ARID4A: variants seen among roughly 807,000 people sequenced by gnomAD.
ARID4A encodes the protein AT-rich interactive domain-containing protein 4A.
In ARID4A, 39 loss-of-function variants were observed where a neutral mutation model predicts 148.6. The observed-to-expected ratio is 0.26, with a 90% CI of 0.20 to 0.34. The LOEUF (loss-of-function observed/expected upper bound fraction) is 0.34. ARID4A is among the 10% of genes least tolerant of loss of function. The pLI is 1.00. For missense variants in ARID4A, 1,265 were observed against 1,449.1 expected (o/e 0.87, Z 2.06); for synonymous variants, 475 against 481.2 (o/e 0.99, Z 0.17).
At chr14:58,335,960 A>G (rs1364179988) in intron 11 of ARID4A, among the ~76,000 whole-genome samples, 1 of 151,500 alleles carries the variant, frequency 6.6e-6, no homozygotes, top group African/African-American at 2.4e-5. Context: ...TGTTCTTTCA[A>G]CATCCATGCT....
rs748535462 is a variant in ARID4A, at chr14:58,347,802, T to C, written c.1328T>C (p.Val443Ala). 2 of 1,613,738 alleles carry C rather than the reference T, an allele frequency of 1.2e-6. No individual in the cohort carries two copies. Among genetic ancestry groups the C allele is most frequent in the Admixed American group, 3.3e-5 (2 of 60,002 alleles). ...GATCAAGAAATGCCTTTAACAGAAG[T>C]GAAGAGTGAACCTGAGGAAAATATC... ...KLDQEMPLTE[V>A]KSEPEENIDS... is the part of the protein sequence containing the mutation. Residue 443 changes from valine (V) to alanine (A), a missense_variant, in exon 15 of 24, where the codon GTG (valine) becomes GCG (alanine). Physicochemically the swap from Val to Ala is moderately conservative, Grantham distance 64. This residue lies in a region of ARID4A where 205 missense variants were observed against 196.9 expected (regional missense o/e 1.04). Coordinates refer to ENST00000355431, the MANE Select transcript of ARID4A (RefSeq NM_002892.4).
chr14:58,299,314 G>A (rs1265410255), intron 1 of ARID4A: 1 of 153,702 alleles, frequency 6.5e-6, no homozygotes, highest in African/African-American at 2.4e-5. Context: ...GGTGCAGAGC[G>A]AAGGAAGGAG....
chr14:58,303,645 A>T (rs2031374314), intron 3 of ARID4A: 1 of 432,862 alleles, frequency 2.3e-6, no homozygotes, highest in Non-Finnish European at 5.0e-6. Context: ...GAATCAGTGA[A>T]CTAGAGCAGT....
intron 5 of ARID4A, among the ~76,000 whole-genome samples, chr14:58,317,324 G>GCC (rs2032503218): frequency 7.4e-6 from 1 of 135,726 alleles, no homozygotes; most frequent in Non-Finnish European, 1.5e-5. Context: ...TTGCTCTGTC[G>GCC]TAGAGGCTGG....
At chr14:58,306,568 T>G (rs1267708041) in intron 5 of ARID4A, among the ~76,000 whole-genome samples, 1 of 152,176 alleles carries the variant, frequency 6.6e-6, no homozygotes, top group Non-Finnish European at 1.5e-5. Flanking sequence ...TTTGATACAG[T>G]GTGGGTGCTC....
At chr14:58,340,050 G>C (rs2034036286) in intron 11 of ARID4A, among the ~76,000 whole-genome samples, 1 of 152,138 alleles carries the variant, frequency 6.6e-6, no homozygotes, top group Non-Finnish European at 1.5e-5. Context: ...TGGGGACACA[G>C]AGCCAAACCA....
At chr14:58,327,788 C>T (rs986750592) in intron 8 of ARID4A, among the ~76,000 whole-genome samples, 5 of 152,056 alleles carry the variant, frequency 3.3e-5, no homozygotes, top group African/African-American at 1.2e-4. Context: ...CTTACCATCC[C>T]AACCTTTTGT....
Position 58,361,142 on chromosome 14 carries a change from A to G in ARID4A, c.2080+100A>G, listed in dbSNP as rs558762922. 2.0e-4 allele frequency: 287 copies of G among 1,453,736 alleles called. 1 individual carries two copies. Among genetic ancestry groups the G allele is most frequent in the South Asian group, 3.6e-4 (25 of 68,978 alleles). The allele number at this position is 1,453,736 out of a possible 1,614,324, so 90.1% of individuals were successfully genotyped here. On this transcript the variant is annotated intron_variant, in intron 19 of 23. Transcript: ENST00000355431. ...GGATGGCTGACTTTAAAAAAAATCA[A>G]TAACATAAATAATAAAACTTCCATT...
intron 8 of ARID4A, among the ~76,000 whole-genome samples, chr14:58,325,332 A>G (rs1413561993): frequency 6.6e-6 from 1 of 152,050 alleles, no homozygotes; most frequent in Non-Finnish European, 1.5e-5. Flanking sequence ...CCCAGACTGG[A>G]GTGCAGTGGT....
chr14:58,314,670 TCTC>T (rs1311244320), intron 5 of ARID4A, among the ~76,000 whole-genome samples: 4 of 152,030 alleles, frequency 2.6e-5, no homozygotes, highest in Non-Finnish European at 5.9e-5. Context: ...CTCAAGGGAT[TCTC>T]CTGCCTTGGC....
intron 23 of ARID4A, chr14:58,370,025 T>A (rs191177450): frequency 6.6e-6 from 1 of 152,312 alleles, no homozygotes; most frequent in East Asian, 1.9e-4. Flanking sequence ...TGTGGTAGAG[T>A]GACGTGTCAT....
chr14:58,337,565 A>T (rs1239468937), intron 11 of ARID4A, among the ~76,000 whole-genome samples: 1 of 152,076 alleles, frequency 6.6e-6, no homozygotes, highest in African/African-American at 2.4e-5. Context: ...GGCAGGGGGA[A>T]CTAAGGGATA....
chr14:58,304,976 G>T lies in ARID4A; in HGVS notation c.150G>T (p.Leu50Phe). ...TGAAACAGGATAATACCACACAATT[G>T]GTACAAGATGACCAAGTAAAGGGTC... The part of the protein sequence containing the change: ...VLLKQDNTTQ[L>F]VQDDQVKGPL... The change falls in exon 4 of 24, where the codon TTG (leucine) becomes TTT (phenylalanine). Residue 50 changes from leucine to phenylalanine, a missense_variant. Transcript: ENST00000355431. 2 of 1,606,960 alleles carry T rather than the reference G, an allele frequency of 1.2e-6. No homozygotes were observed. The highest frequency in any genetic ancestry group is 1.7e-6 in the Non-Finnish European group (2 of 1,177,520).
At chr14:58,368,837 G>C (rs1221310572) in intron 23 of ARID4A, among the ~76,000 whole-genome samples, 1 of 152,188 alleles carries the variant, frequency 6.6e-6, no homozygotes, top group African/African-American at 2.4e-5. Context: ...AACAAAGTTT[G>C]TGGTAAGTGC....
intron 3 of ARID4A, among the ~76,000 whole-genome samples, chr14:58,302,595 T>C (rs908990800): frequency 5.9e-5 from 9 of 151,898 alleles, no homozygotes; most frequent in Admixed American, 3.9e-4. Context: ...GAGGTGGAGA[T>C]TGCAGTGAGC....
intron 23 of ARID4A, among the ~76,000 whole-genome samples, 167 bp from the exon 24 acceptor site, chr14:58,371,719 T>C (rs2035623392): frequency 6.6e-6 from 1 of 152,234 alleles, no homozygotes; most frequent in Non-Finnish European, 1.5e-5. Flanking sequence ...CTCCACTTAA[T>C]TGAGCCAAAC....
Position 58,304,969 on chromosome 14 carries a change from C to T in ARID4A, c.143C>T (p.Thr48Ile). 1.2e-6 allele frequency: 2 copies of T among 1,607,780 alleles called. No homozygotes were observed. Among genetic ancestry groups the T allele is most frequent in the South Asian group, 1.1e-5 (1 of 89,508 alleles). The part of the protein sequence containing the change: ...VKVLLKQDNT[T>I]QLVQDDQVKG... ...GTACTCCTGAAACAGGATAATACCA[C>T]ACAATTGGTACAAGATGACCAAGTA... The change falls in exon 4 of 24, where the codon ACA becomes ATA. Residue 48 changes from threonine to isoleucine, a missense_variant. Coordinates refer to ENST00000355431, the MANE Select transcript of ARID4A (RefSeq NM_002892.4).
chr14:58,363,704 AAG>A (rs112184239), intron 19 of ARID4A, among the ~76,000 whole-genome samples: 1 of 152,006 alleles, frequency 6.6e-6, no homozygotes, highest in African/African-American at 2.4e-5. Flanking sequence ...TCAAAAAAAA[AAG>A]AAAAGAAAAG....
chr14:58,372,016 GT>G lies in ARID4A; in HGVS notation c.*30del. 6.6e-7 allele frequency: 1 copy of G among 1,505,892 alleles called. No homozygotes were observed. Among genetic ancestry groups the G allele is most frequent in the African/African-American group, 1.4e-5 (1 of 73,376 alleles). 93.3% of individuals were successfully genotyped at this position (1,505,892 alleles called of 1,614,324 possible). On this transcript the variant is annotated 3_prime_UTR_variant, in exon 24 of 24. Coordinates refer to ENST00000355431, the MANE Select transcript of ARID4A (RefSeq NM_002892.4). Reference sequence around the variant, plus strand: ...AAACATTTTCTCTACCTTCCCAGCAGTTTGCTGCCATGGACATAAATCCCCA... The same window carrying G: ...AAACATTTTCTCTACCTTCCCAGCAGTTGCTGCCATGGACATAAATCCCCA...
Sources: gnomAD v4.1 joint callset for allele counts (sites outside exome capture counted in the v4.1 genomes callset) on GRCh38, gnomAD v4.1.1 for gene constraint, gnomAD v4.1.1 regional missense constraint, MANE v1.5 for transcripts, NCBI Gene and HGNC (gene_info 2026-07-23, HGNC 2026-07-21) for gene names.